The following TTC7B variants were observed in gnomAD, a reference collection of about 807,000 sequenced individuals.
TTC7B encodes the protein tetratricopeptide repeat protein 7B.
A neutral mutation model predicts 106.8 loss-of-function variants in TTC7B; 28 were observed. The observed-to-expected ratio is 0.26, with a 90% CI of 0.19 to 0.36. TTC7B has a LOEUF of 0.36. Among genes scored for constraint, TTC7B ranks in the 10% least tolerant of loss-of-function variants. The pLI, the probability that TTC7B is intolerant of heterozygous loss-of-function variation, is 1.00. For synonymous variants in TTC7B, 405 were observed against 430.6 expected (o/e 0.94, Z 0.74); for missense variants, 862 against 1,076.4 (o/e 0.80, Z 2.79).
chr14:90,647,571 T>C (rs1885517047), intron 13 of TTC7B, among the ~76,000 whole-genome samples: 1 of 152,082 alleles, frequency 6.6e-6, no homozygotes, highest in East Asian at 1.9e-4. Flanking sequence ...CTTTTGAAGC[T>C]TCTACAAAAT....
rs1358292702 is a variant in TTC7B, at chr14:90,538,269, T to C, written c.*3099A>G. The C allele has an allele frequency of 1.3e-5, 2 of 150,836 alleles. No individual in the cohort carries two copies. Among genetic ancestry groups the C allele is most frequent in the Non-Finnish European group, 2.9e-5 (2 of 67,828 alleles). 9.3% of individuals were successfully genotyped at this position (150,836 alleles called of 1,614,324 possible). A position where few individuals can be genotyped will look rare whatever the true frequency, so the allele number is the denominator to read the frequency against. On this transcript the variant is annotated 3_prime_UTR_variant, in exon 20 of 20. Coordinates refer to ENST00000328459, the MANE Select transcript of TTC7B (RefSeq NM_001010854.2). Reference sequence around the variant, plus strand: ...ATGGATGGATGGATGGATGGATGGATGGATGGATGGATGGACGGACGGACG... The same window carrying C: ...ATGGATGGATGGATGGATGGATGGACGGATGGATGGATGGACGGACGGACG...
At chr14:90,614,399 G>A (rs1287515277) in intron 16 of TTC7B, among the ~76,000 whole-genome samples, 1 of 152,272 alleles carries the variant, frequency 6.6e-6, no homozygotes, top group East Asian at 1.9e-4. Flanking sequence ...AAATGTGAAT[G>A]TGAGTATGTG....
In TTC7B at chr14:90,647,204, A is replaced by G. The variant is rs73326860; in HGVS notation, c.1518-181T>C. The G allele has an allele frequency of 1.1e-3, 633 of 594,730 alleles. 7 individuals are homozygous for G. The highest frequency in any genetic ancestry group is 0.01 in the African/African-American group (556 of 53,850). 36.8% of individuals were successfully genotyped at this position (594,730 alleles called of 1,614,324 possible). On this transcript the variant is annotated intron_variant, in intron 13 of 19. Coordinates refer to ENST00000328459, the MANE Select transcript of TTC7B (RefSeq NM_001010854.2). ...TACACATGTAAACCATTTCCCTCTT[A>G]CCACTGTATAAAGGTACAGAATAGG...
intron 19 of TTC7B, among the ~76,000 whole-genome samples, chr14:90,556,682 C>G (rs192398248): frequency 6.6e-6 from 1 of 152,196 alleles, no homozygotes; most frequent in African/African-American, 2.4e-5. Flanking sequence ...CTAATCACCC[C>G]CTAAAGACCC....
chr14:90,733,741 A>AG (rs1889413228), intron 4 of TTC7B, among the ~76,000 whole-genome samples: 1 of 152,186 alleles, frequency 6.6e-6, no homozygotes, highest in Admixed American at 6.5e-5. Flanking sequence ...CAAAAGACCG[A>AG]GGCGCGAGGT....
Position 90,593,830 on chromosome 14 carries a change from C to T in TTC7B, c.1967-204G>A, listed in dbSNP as rs1420930351. 1.5e-5 allele frequency: 7 copies of T among 459,638 alleles called. No individual in the cohort carries two copies. In the South Asian group the frequency reaches 3.1e-4, roughly 20 times the overall value. 28.5% of individuals were successfully genotyped at this position (459,638 alleles called of 1,614,324 possible). On this transcript the variant is annotated intron_variant, in intron 17 of 19. Transcript: ENST00000328459. Reference sequence around the variant, plus strand: ...GGGCTTTAGCTAATCTTTTTGTCAACAAACAGAGCACATGCCCCCTCCAGG... The same window carrying T: ...GGGCTTTAGCTAATCTTTTTGTCAATAAACAGAGCACATGCCCCCTCCAGG...
rs1000198531 is a variant in TTC7B, at chr14:90,578,422, C to A, written c.2108-114G>T. On this transcript the variant is annotated intron_variant, in intron 18 of 19. Coordinates refer to ENST00000328459, the MANE Select transcript of TTC7B (RefSeq NM_001010854.2). This position sits in a 1 kb window ranked among gnomAD's most constrained non-coding sequence, Gnocchi z 4.7. ...ACGGGAGTCTGGCGGGGCGCAGAGCCAGCTGATCCCTGCTCCAAGTGGAAA... is the reference window on the plus strand; with the variant it reads ...ACGGGAGTCTGGCGGGGCGCAGAGCAAGCTGATCCCTGCTCCAAGTGGAAA... 15 of 1,052,106 alleles carry A rather than the reference C, an allele frequency of 1.4e-5. No individual in the cohort carries two copies. In the African/African-American group the frequency reaches 1.7e-4, roughly 12 times the overall value. 65.2% of individuals were successfully genotyped at this position (1,052,106 alleles called of 1,614,324 possible). A position where few individuals can be genotyped will look rare whatever the true frequency, so the allele number is the denominator to read the frequency against.
At position 90,644,062 on chromosome 14, in the gene TTC7B, G is replaced by A. The variant is rs371671968; in HGVS notation, c.1737C>T (p.Tyr579=). 2 of 1,613,978 alleles carry A rather than the reference G, an allele frequency of 1.2e-6. No homozygotes were observed. The highest frequency in any genetic ancestry group is 1.7e-6 in the Non-Finnish European group (2 of 1,180,010). Residue 579 remains tyrosine, a synonymous_variant, in exon 15 of 20, where the codon TAC becomes TAT. Transcript: ENST00000328459. ...LNIIDMALSE[Y]PENFILLFSK... ...GGATCACTTACATGAAATTTTCTGG[G>A]TATTCACTCAGGGCCATGTCGATGA...
At chr14:90,548,782 C>T (rs997172776) in intron 19 of TTC7B, among the ~76,000 whole-genome samples, 5 of 152,190 alleles carry the variant, frequency 3.3e-5, no homozygotes, top group African/African-American at 9.6e-5. Context: ...TCTGCCTGGT[C>T]CAGGGCCTGT....
chr14:90,603,102 CCAGGTGGCAGAGTGGGCAGG>C, intron 17 of TTC7B: 1 of 423,872 alleles, frequency 2.4e-6, no homozygotes, highest in African/African-American at 2.1e-5. Context: ...GGGATGGGCT[CCAGGTGGCAGAGTGGGCAGG>C]CAGGTGGCAG....
At chr14:90,711,424 A>G (rs77625189) in intron 5 of TTC7B, among the ~76,000 whole-genome samples, 6,041 of 152,312 alleles carry the variant, frequency 0.04, 172 homozygotes, top group Non-Finnish European at 0.06. Context: ...TAGAGAAAAC[A>G]GAATTATTTT....
chr14:90,708,145 CAAAAAAAAAAAAA>C (rs56260414), intron 5 of TTC7B, among the ~76,000 whole-genome samples: 3 of 61,320 alleles, frequency 4.9e-5, no homozygotes, highest in Admixed American at 2.0e-4. Context: ...GACTCCATCT[CAAAAAAAAAAAAA>C]AAAAAAAAAA....
intron 4 of TTC7B, among the ~76,000 whole-genome samples, chr14:90,743,917 G>A (rs1889860103): frequency 6.6e-6 from 1 of 152,236 alleles, no homozygotes; most frequent in Admixed American, 6.5e-5. Flanking sequence ...GTCTGAGGCT[G>A]CGAGCTTAGA....
intron 18 of TTC7B, among the ~76,000 whole-genome samples, chr14:90,584,557 G>C (rs966559756): frequency 1.3e-5 from 2 of 152,168 alleles, no homozygotes; most frequent in Non-Finnish European, 2.9e-5. Flanking sequence ...GCTCTCTCTG[G>C]GGGCTTAGTC....
chr14:90,660,326 G>T (rs1374094655), intron 9 of TTC7B, among the ~76,000 whole-genome samples: 2 of 145,364 alleles, frequency 1.4e-5, no homozygotes, highest in African/African-American at 5.2e-5. Context: ...GGAGGCCGAG[G>T]CTGCAGCGAG....
chr14:90,668,463 C>T (rs1046774894), intron 9 of TTC7B, among the ~76,000 whole-genome samples: 29 of 152,188 alleles, frequency 1.9e-4, no homozygotes, highest in African/African-American at 7.0e-4. Flanking sequence ...TGGGTACTTC[C>T]CTATATAAGG....
At chr14:90,544,482 A>G (rs1889738917) in intron 19 of TTC7B, among the ~76,000 whole-genome samples, 1 of 152,144 alleles carries the variant, frequency 6.6e-6, no homozygotes, top group Non-Finnish European at 1.5e-5. Context: ...AATCACGTCC[A>G]TCTCCCAGGA....
rs1566866127 is a variant in TTC7B, at chr14:90,742,647, T to A, written c.576+2145A>T. Among the ~76,000 whole-genome samples the A allele has an allele frequency of 6.6e-6, 1 of 152,218 alleles. No individual in the cohort carries two copies. Among genetic ancestry groups the A allele is most frequent in the Non-Finnish European group, 1.5e-5 (1 of 68,030 alleles). ...CTTTCTGTGTGCCTGGGCTCTCCCT[T>A]TCTAGACCTCAAGTTTCTTCTCAAA... On this transcript the variant is annotated intron_variant, in intron 4 of 19. Coordinates refer to ENST00000328459, the MANE Select transcript of TTC7B (RefSeq NM_001010854.2). The surrounding 1 kb of genome is among the most constrained non-coding windows in gnomAD (Gnocchi z 4.1).
At chr14:90,720,598 G>A (rs1433715741) in intron 5 of TTC7B, among the ~76,000 whole-genome samples, 1 of 152,154 alleles carries the variant, frequency 6.6e-6, no homozygotes, top group Non-Finnish European at 1.5e-5. Flanking sequence ...AGCAAGAGCT[G>A]CTCTGAAAAT....
Sources: allele counts gnomAD v4.1 joint callset (sites outside exome capture counted in the v4.1 genomes callset), GRCh38; gene constraint gnomAD v4.1.1; non-coding constraint Gnocchi (gnomAD v3.1); transcripts MANE v1.5; gene names NCBI Gene and HGNC (gene_info 2026-07-23, HGNC 2026-07-21).